The following ARSJ variants were observed in gnomAD, a reference collection of about 807,000 sequenced individuals.
ARSJ encodes the protein arylsulfatase J.
A neutral mutation model predicts 35.9 loss-of-function variants in ARSJ; 26 were observed. That is an observed-to-expected ratio of 0.72 (90% CI 0.53 to 1.00). The LOEUF (loss-of-function observed/expected upper bound fraction) is 1.00, where lower values mean the gene tolerates loss of function less well. ARSJ is among the 50% of genes least tolerant of loss of function. The probability of loss-of-function intolerance (pLI) is 0.00; values close to 1 mark genes in which losing one functional copy is unlikely to be tolerated. For missense variants in ARSJ, 667 were observed against 723.6 expected, an observed-to-expected ratio of 0.92 and a Z score of 0.90; for synonymous variants, 294 against 267.6, an observed-to-expected ratio of 1.10 and a Z score of -0.96.
At chr4:113,937,903 T>C (rs558175462) in intron 1 of ARSJ, among the ~76,000 whole-genome samples, 2 of 152,028 alleles carry the variant, frequency 1.3e-5, no homozygotes, top group African/African-American at 2.4e-5. Context: ...CAAAAACAAA[T>C]AGAAAAACAT....
rs779512331 is a variant in ARSJ, at chr4:113,903,707, G to C, written c.399-32C>G. The C allele has an allele frequency of 8.1e-5, 126 of 1,562,028 alleles. 1 individual carries two copies. In the South Asian group the frequency reaches 1.5e-3, roughly 19 times the overall value. ...AAAAGAGAAAAAAATTGTTATCAGGGCAGGATAAAAGAGATATTCTACATA... is the reference window on the plus strand; with the variant it reads ...AAAAGAGAAAAAAATTGTTATCAGGCCAGGATAAAAGAGATATTCTACATA... On this transcript the variant is annotated intron_variant, in intron 1 of 1. Coordinates refer to ENST00000315366, the MANE Select transcript of ARSJ (RefSeq NM_024590.4).
intron 1 of ARSJ, among the ~76,000 whole-genome samples, chr4:113,960,911 T>C (rs902412154): frequency 6.6e-6 from 1 of 152,094 alleles, no homozygotes; most frequent in African/African-American, 2.4e-5. Flanking sequence ...TCTTTTGTTT[T>C]ATATGCTGGA....
At chr4:113,911,404 A>G (rs908862825) in intron 1 of ARSJ, among the ~76,000 whole-genome samples, 2 of 152,182 alleles carry the variant, frequency 1.3e-5, no homozygotes, top group African/African-American at 4.8e-5. Flanking sequence ...TGGAAAAATC[A>G]ACTCTGGTTG....
chr4:113,974,984 A>G (rs564246778), intron 1 of ARSJ, among the ~76,000 whole-genome samples: 2 of 152,214 alleles, frequency 1.3e-5, no homozygotes, highest in Non-Finnish European at 2.9e-5. Flanking sequence ...ATACTATTCA[A>G]TGATAGTGAG....
intron 1 of ARSJ, among the ~76,000 whole-genome samples, chr4:113,908,074 C>A (rs2099669304): frequency 1.3e-5 from 2 of 152,008 alleles, no homozygotes; most frequent in Non-Finnish European, 1.5e-5. Context: ...TGCACGTAAA[C>A]CCCTAGATCC....
Position 113,902,424 on chromosome 4 carries a change from G to C in ARSJ, c.1650C>G (p.Val550=), listed in dbSNP as rs753407839. Residue 550 remains valine (V), a synonymous_variant, in exon 2 of 2, where the codon GTC becomes GTG. Coordinates refer to ENST00000315366, the MANE Select transcript of ARSJ (RefSeq NM_024590.4). ...PRSNPRLNGG[V]WGPWYKEETK... is the part of the protein sequence containing the mutation. ...TTTCCTCTTTATACCATGGTCCCCAGACCCCTCCATTGAGCCTAGGGTTAC... is the reference window on the plus strand; with the variant it reads ...TTTCCTCTTTATACCATGGTCCCCACACCCCTCCATTGAGCCTAGGGTTAC... 2.6e-5 allele frequency: 42 copies of C among 1,613,794 alleles called. No individual in the cohort carries two copies. Among genetic ancestry groups the C allele is most frequent in the Non-Finnish European group, 3.1e-5 (37 of 1,179,984 alleles).
chr4:113,905,903 G>T (rs2099668610), intron 1 of ARSJ, among the ~76,000 whole-genome samples: 1 of 151,828 alleles, frequency 6.6e-6, no homozygotes, highest in South Asian at 2.1e-4. Context: ...TCTGACCTCA[G>T]GTGATTCACC....
At chr4:113,923,419 G>C (rs1723807007) in intron 1 of ARSJ, among the ~76,000 whole-genome samples, 1 of 152,038 alleles carries the variant, frequency 6.6e-6, no homozygotes, top group Admixed American at 6.6e-5. Context: ...AGAGTAAACT[G>C]AATTCTACTT....
chr4:113,906,722 C>T, intron 1 of ARSJ: 1 of 456,050 alleles, frequency 2.2e-6, no homozygotes, highest in Non-Finnish European at 4.4e-6. Context: ...AGTACTTAAT[C>T]CCTCTGATCC....
At chr4:113,947,841 ATGGATATTT>A (rs1350259407) in intron 1 of ARSJ, among the ~76,000 whole-genome samples, 1 of 152,072 alleles carries the variant, frequency 6.6e-6, no homozygotes, top group African/African-American at 2.4e-5. Context: ...TTGTCTGAAT[ATGGATATTT>A]TCTTTAATTA....
At chr4:113,971,018 C>G (rs1232713169) in intron 1 of ARSJ, 1 of 150,990 alleles carries the variant, frequency 6.6e-6, no homozygotes, top group Non-Finnish European at 1.5e-5. Context: ...AGATGAGAAG[C>G]AGAAAGTCTT....
chr4:113,924,070 T>C (rs1381122196), intron 1 of ARSJ, among the ~76,000 whole-genome samples: 1 of 113,006 alleles, frequency 8.8e-6, no homozygotes, highest in African/African-American at 4.2e-5. Context: ...TATATAAATA[T>C]ATATAAATAT....
chr4:113,955,671 G>A (rs894338783), intron 1 of ARSJ, among the ~76,000 whole-genome samples: 6 of 151,982 alleles, frequency 3.9e-5, no homozygotes, highest in Admixed American at 2.6e-4. Context: ...CTTCATAACT[G>A]TTATAATCCT....
At chr4:113,972,319 C>CAA (rs1727318674) in intron 1 of ARSJ, among the ~76,000 whole-genome samples, 2 of 115,218 alleles carry the variant, frequency 1.7e-5, no homozygotes, top group Admixed American at 9.3e-5. Context: ...AAAAAAAAAA[C>CAA]CCCACCATGA....
At chr4:113,977,438 T>C (rs568307103) in intron 1 of ARSJ, among the ~76,000 whole-genome samples, 63 of 152,358 alleles carry the variant, frequency 4.1e-4, no homozygotes, top group African/African-American at 1.3e-3. Flanking sequence ...GGATACTGGC[T>C]ACTTTTATAG....
chr4:113,962,131 A>G (rs565206685), intron 1 of ARSJ, among the ~76,000 whole-genome samples: 36 of 152,168 alleles, frequency 2.4e-4, no homozygotes, highest in Admixed American at 2.2e-3. Context: ...GAAGTAAGGG[A>G]GAATGGTGAA....
chr4:113,963,288 A>T (rs1726677329), intron 1 of ARSJ, among the ~76,000 whole-genome samples: 1 of 152,056 alleles, frequency 6.6e-6, no homozygotes, highest in African/African-American at 2.4e-5. Context: ...GCTATAAAGG[A>T]CTGCCTGAGA....
At chr4:113,972,267 C>T (rs1309911536) in intron 1 of ARSJ, among the ~76,000 whole-genome samples, 1 of 118,110 alleles carries the variant, frequency 8.5e-6, no homozygotes, top group Non-Finnish European at 1.6e-5. Flanking sequence ...AAACCAGAAA[C>T]TCATTACTTT....
At chr4:113,937,589 G>A (rs937450402) in intron 1 of ARSJ, among the ~76,000 whole-genome samples, 2 of 151,996 alleles carry the variant, frequency 1.3e-5, no homozygotes, top group African/African-American at 4.8e-5. Context: ...AGAAACAGAG[G>A]AGGTCAAATT....
Sources: allele counts gnomAD v4.1 joint callset (sites outside exome capture counted in the v4.1 genomes callset), GRCh38; gene constraint gnomAD v4.1.1; transcripts MANE v1.5; gene names NCBI Gene and HGNC (gene_info 2026-07-23, HGNC 2026-07-21).